The following SPINK13 variants were observed in gnomAD, a reference collection of about 807,000 sequenced individuals.
SPINK13 encodes the protein serine protease inhibitor Kazal-type 13.
SPINK13 carries 11 observed loss-of-function variants against 11.0 expected under a neutral mutation model. The observed-to-expected ratio is 1.00, with a 90% CI of 0.63 to 1.65. The LOEUF (loss-of-function observed/expected upper bound fraction) is 1.65, where lower values mean the gene tolerates loss of function less well. Ranked by LOEUF, SPINK13 falls within the 40% of genes most tolerant of loss-of-function variation. The pLI is 0.00. For synonymous variants in SPINK13, 31 were observed against 35.6 expected (o/e 0.87, Z 0.46); for missense variants, 113 against 117.7 (o/e 0.96, Z 0.19).
chr5:148,279,030 T>A (rs1756473012), intron 3 of SPINK13, among the ~76,000 whole-genome samples: 1 of 151,804 alleles, frequency 6.6e-6, no homozygotes. Context: ...GCCTTCTTTG[T>A]CTCTTGTGAT....
intron 2 of SPINK13, 124 bp downstream of exon 2, chr5:148,270,266 A>G (rs1756331076): frequency 1.2e-6 from 1 of 852,270 alleles, no homozygotes; most frequent in African/African-American, 1.7e-5. Flanking sequence ...TGCAGTCCAA[A>G]CTGGGTATAA....
intron 1 of SPINK13, among the ~76,000 whole-genome samples, chr5:148,269,398 T>A (rs545639741): frequency 2.0e-5 from 3 of 149,780 alleles, no homozygotes; most frequent in Non-Finnish European, 4.5e-5. Flanking sequence ...ATGTTTTTTG[T>A]TTTTTTTTCT....
At chr5:148,274,460 A>T (rs1396957654) in intron 3 of SPINK13, 76 bp downstream of exon 3, 106 of 1,292,040 alleles carry the variant, frequency 8.2e-5, no homozygotes, top group East Asian at 2.4e-5. Context: ...CTAAAACTTC[A>T]TGGAAAGTCA....
intron 4 of SPINK13, among the ~76,000 whole-genome samples, chr5:148,283,834 A>C (rs2113376872): frequency 6.6e-6 from 1 of 152,360 alleles, no homozygotes. Flanking sequence ...ACTACTAAAA[A>C]GAGCAGTGTA....
chr5:148,271,833 C>T (rs140255388), intron 2 of SPINK13, among the ~76,000 whole-genome samples: 2,512 of 152,158 alleles, frequency 0.017, 69 homozygotes, highest in African/African-American at 0.055. Context: ...ACCATGTTAG[C>T]CAGGATGGTC....
In SPINK13 at chr5:148,268,828, C is replaced by G. The variant is rs1158632543; in HGVS notation, c.-94C>G. The G allele has an allele frequency of 6.5e-6, 1 of 152,696 alleles. No individual in the cohort carries two copies. The highest frequency in any genetic ancestry group is 1.5e-5 in the Non-Finnish European group (1 of 68,370). 9.5% of individuals were successfully genotyped at this position (152,696 alleles called of 1,614,324 possible). The stretch of plus-strand genomic sequence containing the variant: ...AGACTCCTGGAACAGCAGCTCTTCT[C>G]AAGGCTAGTTGTGACATCCAAAGTG... On this transcript the variant is annotated 5_prime_UTR_variant, in exon 1 of 5. Transcript: ENST00000398450.
At chr5:148,285,743 G>T (rs1434519945) in intron 4 of SPINK13, among the ~76,000 whole-genome samples, 1 of 151,988 alleles carries the variant, frequency 6.6e-6, no homozygotes, top group Non-Finnish European at 1.5e-5. Flanking sequence ...AAGGTATTGA[G>T]ATGGGAATGG....
At chr5:148,280,769 C>CA (rs2113373251) in intron 3 of SPINK13, among the ~76,000 whole-genome samples, 2 of 152,338 alleles carry the variant, frequency 1.3e-5, no homozygotes, top group African/African-American at 4.8e-5. Flanking sequence ...GTCAGGGACC[C>CA]ACTTGAGGAG....
chr5:148,269,326 C>T (rs1001616478), intron 1 of SPINK13, among the ~76,000 whole-genome samples: 1 of 152,172 alleles, frequency 6.6e-6, no homozygotes, highest in African/African-American at 2.4e-5. Flanking sequence ...ATTTGAACTG[C>T]CATCTCTCTA....
intron 3 of SPINK13, among the ~76,000 whole-genome samples, chr5:148,277,758 G>C (rs1756453291): frequency 6.6e-6 from 1 of 152,146 alleles, no homozygotes; most frequent in Admixed American, 6.5e-5. Flanking sequence ...TCTCTGCCAG[G>C]TTTTGGTATC....
At position 148,285,931 on chromosome 5, in the gene SPINK13, A is replaced by G; in HGVS notation, c.237-69A>G. The G allele has an allele frequency of 3.2e-6, 3 of 925,872 alleles. No homozygotes were observed. The Admixed American group carries it at 8.6e-5, about 27-fold the overall frequency. 57.4% of individuals were successfully genotyped at this position (925,872 alleles called of 1,614,324 possible). On this transcript the variant is annotated intron_variant, in intron 4 of 4. Transcript: ENST00000398450. Reference sequence around the variant, plus strand: ...TCAGGACCTCTTTTAGAAGATAAGGAAAAGTACATTCAATACCAATGTTCA... The same window carrying G: ...TCAGGACCTCTTTTAGAAGATAAGGGAAAGTACATTCAATACCAATGTTCA...
chr5:148,269,008 C>T (rs1328565578), intron 1 of SPINK13, 120 bp downstream of exon 1: 2 of 152,326 alleles, frequency 1.3e-5, no homozygotes, highest in Non-Finnish European at 2.9e-5. Flanking sequence ...GTTTCCTCTG[C>T]ATATTAAAGT....
intron 3 of SPINK13, 24 bp downstream of exon 3, chr5:148,274,408 AG>A: frequency 6.3e-7 from 1 of 1,597,736 alleles, no homozygotes; most frequent in Non-Finnish European, 8.6e-7. Flanking sequence ...TCTCAGTTCT[AG>A]GTTGTAATTC....
In SPINK13 at chr5:148,277,488, G is replaced by C. The variant is rs150934530; in HGVS notation, c.108+3104G>C. On this transcript the variant is annotated intron_variant, in intron 3 of 4. Transcript: ENST00000398450. ...TTCATTGAGTGTTTTTAGCATGAAG[G>C]GGTGTTGAATTTTATTGAAGGTCTT... Among the ~76,000 whole-genome samples the C allele has an allele frequency of 6.1e-4, 93 of 152,252 alleles. No homozygotes were observed. The East Asian group carries it at 0.014, about 23-fold the overall frequency.
Position 148,281,877 on chromosome 5 carries a change from C to T in SPINK13, c.109-227C>T, listed in dbSNP as rs531384114. Among the ~76,000 whole-genome samples the T allele has an allele frequency of 2.6e-5, 4 of 152,240 alleles. No individual in the cohort carries two copies. The South Asian group carries it at 8.3e-4, about 32-fold the overall frequency. On this transcript the variant is annotated intron_variant, in intron 3 of 4. Coordinates refer to ENST00000398450, the MANE Select transcript of SPINK13 (RefSeq NM_001040129.3). ...CTGGAACTGAAACATGAAGGTTAAA[C>T]AGGGATATTAAAATGGTTATGACTT...
chr5:148,273,618 C>A (rs1052214242), intron 2 of SPINK13, among the ~76,000 whole-genome samples: 3 of 151,958 alleles, frequency 2.0e-5, no homozygotes, highest in African/African-American at 7.3e-5. Context: ...ATCAGCAAGA[C>A]CTATTCCTCG....
At chr5:148,283,020 A>T (rs924532820) in intron 4 of SPINK13, among the ~76,000 whole-genome samples, 5 of 152,200 alleles carry the variant, frequency 3.3e-5, no homozygotes, top group Non-Finnish European at 7.3e-5. Flanking sequence ...GATACAAATT[A>T]AAATCAGCAA....
intron 4 of SPINK13, 87 bp downstream of exon 4, chr5:148,282,318 C>A: frequency 6.7e-7 from 1 of 1,485,524 alleles, no homozygotes; most frequent in Non-Finnish European, 9.1e-7. Context: ...TTGGGTTTTA[C>A]TGATGCATAC....
intron 4 of SPINK13, among the ~76,000 whole-genome samples, chr5:148,285,118 T>C (rs1183064755): frequency 6.6e-6 from 1 of 152,188 alleles, no homozygotes; most frequent in Admixed American, 6.5e-5. Flanking sequence ...AGGCAATAAA[T>C]AAGCAACAGC....
Sources: gnomAD v4.1 joint callset for allele counts (sites outside exome capture counted in the v4.1 genomes callset) on GRCh38, gnomAD v4.1.1 for gene constraint, MANE v1.5 for transcripts, NCBI Gene and HGNC (gene_info 2026-07-23, HGNC 2026-07-21) for gene names.